RAP1GAP2: variants seen among roughly 807,000 people sequenced by gnomAD.
RAP1GAP2 encodes the protein rap1 GTPase-activating protein 2.
A neutral mutation model predicts 95.0 loss-of-function variants in RAP1GAP2; 27 were observed. The observed-to-expected ratio is 0.28, with a 90% CI of 0.21 to 0.39. The LOEUF (loss-of-function observed/expected upper bound fraction) is 0.39. RAP1GAP2 is among the 10% of genes least tolerant of loss of function. RAP1GAP2 has a pLI of 1.00. For synonymous variants in RAP1GAP2, 373 were observed against 380.9 expected (o/e 0.98, Z 0.24); for missense variants, 771 against 970.0 (o/e 0.79, Z 2.72).
chr17:2,921,230 C>T lies in RAP1GAP2; in HGVS notation c.165+15862C>T, dbSNP rs578253339. On this transcript the variant is annotated intron_variant, in intron 3 of 24. Coordinates refer to ENST00000254695, the MANE Select transcript of RAP1GAP2 (RefSeq NM_015085.5). ...TTTTTTCTTTTTTGAGACAGAGTCT[C>T]ACTCTGTCACCCAGGCTGAAGTGCA... 2.8e-3 allele frequency among the ~76,000 whole-genome samples: 431 copies of T among 151,742 alleles called. 3 individuals are homozygous for T. Among genetic ancestry groups the T allele is most frequent in the African/African-American group, 9.6e-3 (399 of 41,384 alleles).
chr17:2,963,502 G>T lies in RAP1GAP2; in HGVS notation c.279+40G>T, dbSNP rs780536739. 1.2e-6 allele frequency: 2 copies of T among 1,612,904 alleles called. No individual in the cohort carries two copies. Among genetic ancestry groups the T allele is most frequent in the Admixed American group, 1.7e-5 (1 of 60,010 alleles). Reference sequence around the variant, plus strand: ...CTCACTCCCACCTGCCCTGCAGCCTGCTCTGGGTCCCGTCCCTGGGGAAAT... The same window carrying T: ...CTCACTCCCACCTGCCCTGCAGCCTTCTCTGGGTCCCGTCCCTGGGGAAAT... On this transcript the variant is annotated intron_variant, in intron 6 of 24. Coordinates refer to ENST00000254695, the MANE Select transcript of RAP1GAP2 (RefSeq NM_015085.5). The surrounding 1 kb of genome is among the most constrained non-coding windows in gnomAD (Gnocchi z 4.8).
At chr17:2,928,024 A>G (rs544441505) in intron 3 of RAP1GAP2, among the ~76,000 whole-genome samples, 2 of 152,312 alleles carry the variant, frequency 1.3e-5, no homozygotes, top group East Asian at 1.9e-4. Flanking sequence ...TAGAGGAGCT[A>G]TGACCTTGGT....
intron 21 of RAP1GAP2, among the ~76,000 whole-genome samples, chr17:3,026,700 G>A (rs982920412): frequency 6.6e-6 from 1 of 152,232 alleles, no homozygotes; most frequent in Non-Finnish European, 1.5e-5. Flanking sequence ...AGACCCGATG[G>A]TGCCCTGCCT....
chr17:2,988,171 T>A (rs1242066047), intron 11 of RAP1GAP2, among the ~76,000 whole-genome samples: 2 of 151,470 alleles, frequency 1.3e-5, no homozygotes, highest in Admixed American at 1.3e-4. Context: ...GATCGTGCCA[T>A]TGCACTCCAG....
intron 2 of RAP1GAP2, among the ~76,000 whole-genome samples, chr17:2,841,811 A>G (rs2071384487): frequency 6.6e-6 from 1 of 152,166 alleles, no homozygotes; most frequent in South Asian, 2.1e-4. Context: ...CACAGCGCAG[A>G]GGGGCCATGG....
intron 12 of RAP1GAP2, among the ~76,000 whole-genome samples, chr17:2,993,577 A>T (rs547363819): frequency 2.0e-4 from 30 of 148,440 alleles, no homozygotes; most frequent in East Asian, 3.9e-4. Flanking sequence ...TGTCTAAAAA[A>T]AAAAAAATAA....
intron 5 of RAP1GAP2, 90 bp downstream of exon 5, chr17:2,962,804 T>C: frequency 1.6e-6 from 2 of 1,239,466 alleles, no homozygotes; most frequent in Non-Finnish European, 2.2e-6. Context: ...GATGCTGGGG[T>C]CTTCTGTCTC....
At chr17:2,941,660 ACT>A (rs747485768) in intron 3 of RAP1GAP2, among the ~76,000 whole-genome samples, 151 of 121,864 alleles carry the variant, frequency 1.2e-3, no homozygotes, top group Non-Finnish European at 2.1e-3. Context: ...ATCAGTGATG[ACT>A]CTTGGGTTTT....
intron 1 of RAP1GAP2, among the ~76,000 whole-genome samples, chr17:2,785,135 C>T (rs1046166064): frequency 6.6e-6 from 1 of 152,162 alleles, no homozygotes; most frequent in Admixed American, 6.5e-5. Flanking sequence ...CTGAGCAGAG[C>T]GTTGGCAGGG....
intron 2 of RAP1GAP2, among the ~76,000 whole-genome samples, chr17:2,826,025 G>A (rs2070539471): frequency 7.1e-6 from 1 of 141,662 alleles, no homozygotes; most frequent in African/African-American, 2.6e-5. Context: ...CTGTCGCCCC[G>A]GCTGGAGTGC....
At chr17:2,883,287 T>C (rs895916509) in intron 2 of RAP1GAP2, among the ~76,000 whole-genome samples, 1 of 152,160 alleles carries the variant, frequency 6.6e-6, no homozygotes, top group Non-Finnish European at 1.5e-5. Context: ...GAAAGCACTT[T>C]CTGTCTGCAG....
rs372984678 is a variant in RAP1GAP2 at position 2,920,290 on chromosome 17, T to C, written c.165+14922T>C. Among the ~76,000 whole-genome samples, 12 of 152,344 alleles carry C rather than the reference T, an allele frequency of 7.9e-5. No individual in the cohort carries two copies. The East Asian group carries it at 1.2e-3, about 15-fold the overall frequency. The stretch of plus-strand genomic sequence containing the variant: ...TTCTGCCTGTTGGTGAGGGCTCGGC[T>C]CTGTCTCCCCTTGATGGCATTCAGA... On this transcript the variant is annotated intron_variant, in intron 3 of 24. Transcript: ENST00000254695.
At chr17:2,757,022 G>A (rs542399477) in intron 1 of RAP1GAP2, among the ~76,000 whole-genome samples, 1 of 152,236 alleles carries the variant, frequency 6.6e-6, no homozygotes, top group Non-Finnish European at 1.5e-5. Flanking sequence ...AGAGCAGGAG[G>A]TGCCAATGGG....
chr17:2,790,467 A>G (rs566098763), intron 1 of RAP1GAP2, among the ~76,000 whole-genome samples: 1 of 152,304 alleles, frequency 6.6e-6, no homozygotes, highest in South Asian at 2.1e-4. Flanking sequence ...AGCAGAGGCC[A>G]GTCTAAGTCT....
rs892596839 is a variant in RAP1GAP2 at position 3,003,502 on chromosome 17, G to A, written c.1201-1867G>A. 1.3e-5 allele frequency among the ~76,000 whole-genome samples: 2 copies of A among 152,080 alleles called. No individual in the cohort carries two copies. The highest frequency in any genetic ancestry group is 2.9e-5 in the Non-Finnish European group (2 of 68,024). ...TCCCGTCACGACTTGTCTGTTGCTCGGACGATGCTCTGTGTGCCACCGCGG... is the reference window on the plus strand; with the variant it reads ...TCCCGTCACGACTTGTCTGTTGCTCAGACGATGCTCTGTGTGCCACCGCGG... On this transcript the variant is annotated intron_variant, in intron 14 of 24. Transcript: ENST00000254695. The surrounding 1 kb of genome is among the most constrained non-coding windows in gnomAD (Gnocchi z 4.1).
At chr17:2,770,995 C>T (rs943434733) in intron 2 of RAP1GAP2, among the ~76,000 whole-genome samples, 2 of 152,110 alleles carry the variant, frequency 1.3e-5, no homozygotes, top group East Asian at 1.9e-4. Context: ...TGCAGTGAGC[C>T]GCAGTTGAAC....
chr17:2,998,255 T>G lies in RAP1GAP2; in HGVS notation c.1079T>G (p.Val360Gly). The change falls in exon 14 of 25, where the codon GTG becomes GGG. Residue 360 changes from valine (V) to glycine (G), a missense_variant. By Grantham distance (109) the Val-to-Gly change is moderately radical (BLOSUM62 -3). Coordinates refer to ENST00000254695, the MANE Select transcript of RAP1GAP2 (RefSeq NM_015085.5). ...AAGAGACACATTGGAAATGACATCG[T>G]GGCCATCATCTTCCAAGAGGAAAAC... ...QRKRHIGNDIVAIIFQEENTP... is the reference protein window; with the variant it reads ...QRKRHIGNDIGAIIFQEENTP... 3 of 1,614,050 alleles carry G rather than the reference T, an allele frequency of 1.9e-6. No homozygotes were observed. The highest frequency in any genetic ancestry group is 2.5e-6 in the Non-Finnish European group (3 of 1,179,858).
intron 17 of RAP1GAP2, among the ~76,000 whole-genome samples, chr17:3,015,703 G>A (rs2046740667): frequency 6.6e-6 from 1 of 152,148 alleles, no homozygotes; most frequent in South Asian, 2.1e-4. Context: ...TGTAGTCCCA[G>A]CTACTCGGGA....
chr17:3,024,013 C>A (rs754545075), intron 19 of RAP1GAP2, among the ~76,000 whole-genome samples: 1 of 152,142 alleles, frequency 6.6e-6, no homozygotes, highest in Non-Finnish European at 1.5e-5. Context: ...GCATAGTATT[C>A]CATGGTATAT....
Sources: allele counts gnomAD v4.1 joint callset (sites outside exome capture counted in the v4.1 genomes callset), GRCh38; gene constraint gnomAD v4.1.1; non-coding constraint Gnocchi (gnomAD v3.1); transcripts MANE v1.5; gene names NCBI Gene and HGNC (gene_info 2026-07-23, HGNC 2026-07-21).